The following CNGB1 variants were observed in gnomAD, a reference collection of about 807,000 sequenced individuals.
CNGB1 encodes the protein cyclic nucleotide-gated channel beta-1.
CNGB1 carries 126 observed loss-of-function variants against 151.7 expected under a neutral mutation model. The observed-to-expected ratio is 0.83, with a 90% CI of 0.72 to 0.96. The LOEUF (loss-of-function observed/expected upper bound fraction) is 0.96, where lower values mean the gene tolerates loss of function less well. Among genes scored for constraint, CNGB1 ranks in the 40% least tolerant of loss-of-function variants. The pLI is 0.00. For synonymous variants in CNGB1, 623 were observed against 635.1 expected, an observed-to-expected ratio of 0.98 and a Z score of 0.29; for missense variants, 1,698 against 1,627.0, an observed-to-expected ratio of 1.04 and a Z score of -0.75.
chr16:57,919,905 A>T (rs1361840825), intron 19 of CNGB1, among the ~76,000 whole-genome samples: 1 of 152,154 alleles, frequency 6.6e-6, no homozygotes, highest in African/African-American at 2.4e-5. Context: ...CTCTGGAAAG[A>T]TCTAAAAAAT....
At position 57,931,883 on chromosome 16, in the gene CNGB1, G is replaced by A. The variant is rs777877102; in HGVS notation, c.1373-5C>T. 50 of 1,613,866 alleles carry A rather than the reference G, an allele frequency of 3.1e-5. 1 individual carries two copies. In the Admixed American group the frequency reaches 3.2e-4, roughly 10 times the overall value. On this transcript the variant is annotated splice_region_variant and splice_polypyrimidine_tract_variant and intron_variant, in intron 16 of 32. Transcript: ENST00000251102. ...GGTGCTGTTTCGTGGCAGGCACTGG[G>A]GGAGAGGAAGGAGAGGAGAAAGTCA...
At chr16:57,940,399 C>A in intron 14 of CNGB1, 78 bp from the exon 15 acceptor site, 2 of 1,381,416 alleles carry the variant, frequency 1.4e-6, no homozygotes, top group Non-Finnish European at 1.0e-6. Context: ...TGCTGAGGGC[C>A]ACGCTCTGTG....
intron 31 of CNGB1, among the ~76,000 whole-genome samples, chr16:57,891,813 T>A (rs1267645964): frequency 6.6e-6 from 1 of 152,162 alleles, no homozygotes; most frequent in Non-Finnish European, 1.5e-5. Flanking sequence ...CACCTCAGCC[T>A]CCCAAAGTGC....
chr16:57,953,130 C>G (rs376067179), intron 12 of CNGB1, among the ~76,000 whole-genome samples: 1 of 152,218 alleles, frequency 6.6e-6, no homozygotes, highest in African/African-American at 2.4e-5. Flanking sequence ...TCCACCCTGG[C>G]ACACCACCTC....
intron 13 of CNGB1, among the ~76,000 whole-genome samples, chr16:57,949,914 T>C (rs983903350): frequency 6.6e-6 from 1 of 152,232 alleles, no homozygotes; most frequent in Non-Finnish European, 1.5e-5. Flanking sequence ...AAGACATGCA[T>C]ACAAGAGTGC....
intron 17 of CNGB1, among the ~76,000 whole-genome samples, chr16:57,927,305 A>C (rs1961216715): frequency 6.6e-6 from 1 of 152,190 alleles, no homozygotes; most frequent in African/African-American, 2.4e-5. Context: ...GGACTTGCTC[A>C]AGCTCCTCTG....
chr16:57,928,132 T>C (rs1243761527), intron 17 of CNGB1, among the ~76,000 whole-genome samples: 1 of 152,236 alleles, frequency 6.6e-6, no homozygotes, highest in African/African-American at 2.4e-5. Flanking sequence ...TAAAGCACTG[T>C]CCTGCCCTTG....
chr16:57,897,669 AT>A, intron 30 of CNGB1, 126 bp from the exon 31 acceptor site: 1 of 1,513,640 alleles, frequency 6.6e-7, no homozygotes, highest in South Asian at 1.1e-5. Flanking sequence ...CCCCGCCCCC[AT>A]CCCCGCATAC....
chr16:57,961,063 G>A (rs2149387111), intron 7 of CNGB1, 148 bp from the exon 8 acceptor site: 1 of 750,296 alleles, frequency 1.3e-6, no homozygotes, highest in East Asian at 2.7e-5. Context: ...AACTCTCAAA[G>A]GGCCCCAAGC....
intron 12 of CNGB1, chr16:57,955,000 C>T (rs765106830): frequency 1.1e-5 from 12 of 1,136,674 alleles, no homozygotes; most frequent in Middle Eastern, 3.9e-4. Context: ...CCTCCTGCCT[C>T]AGCCTCCCAA....
At chr16:57,896,418 T>C (rs1419553841) in intron 31 of CNGB1, among the ~76,000 whole-genome samples, 1 of 151,992 alleles carries the variant, frequency 6.6e-6, no homozygotes, top group Non-Finnish European at 1.5e-5. Context: ...TTCTGTAAAA[T>C]AACTGGCCTG....
chr16:57,887,612 A>G (rs557477878), intron 32 of CNGB1, among the ~76,000 whole-genome samples: 122 of 152,244 alleles, frequency 8.0e-4, no homozygotes, highest in African/African-American at 2.8e-3. Flanking sequence ...TCCTGTTGGC[A>G]TCTTTCGGGC....
At chr16:57,912,857 G>A in intron 24 of CNGB1, 73 bp downstream of exon 24, 1 of 1,425,874 alleles carries the variant, frequency 7.0e-7, no homozygotes, top group Non-Finnish European at 9.9e-7. Context: ...TGTGTTGTGT[G>A]TGTATTGCGT....
chr16:57,884,531 T>G, intron 32 of CNGB1, 74 bp from the exon 33 acceptor site: 1 of 1,549,548 alleles, frequency 6.5e-7, no homozygotes, highest in Admixed American at 1.7e-5. Flanking sequence ...GACACCTCCC[T>G]GTTCCAGCCT....
chr16:57,896,169 T>C (rs1216436313), intron 31 of CNGB1, among the ~76,000 whole-genome samples: 2 of 152,174 alleles, frequency 1.3e-5, no homozygotes, highest in Non-Finnish European at 2.9e-5. Context: ...ATCCTCATAG[T>C]CTGAAGGTGA....
intron 32 of CNGB1, among the ~76,000 whole-genome samples, chr16:57,885,849 C>T (rs1223747561): frequency 6.6e-6 from 1 of 152,094 alleles, no homozygotes; most frequent in African/African-American, 2.4e-5. Flanking sequence ...CCACCTTGGC[C>T]TCCCAAAGTG....
chr16:57,922,925 C>T (rs1168745422), intron 18 of CNGB1, among the ~76,000 whole-genome samples: 1 of 151,792 alleles, frequency 6.6e-6, no homozygotes, highest in Non-Finnish European at 1.5e-5. Flanking sequence ...TCCTGGTGGT[C>T]CTCCCTGTCC....
intron 17 of CNGB1, among the ~76,000 whole-genome samples, chr16:57,923,993 A>G (rs1961118594): frequency 1.3e-5 from 2 of 152,182 alleles, no homozygotes; most frequent in East Asian, 3.9e-4. Flanking sequence ...AGGAAGTCCA[A>G]GTCTGCCATG....
At chr16:57,908,453 G>C (rs976848554) in intron 25 of CNGB1, among the ~76,000 whole-genome samples, 1 of 152,358 alleles carries the variant, frequency 6.6e-6, no homozygotes, top group Admixed American at 6.5e-5. Flanking sequence ...GGCACCCTTC[G>C]GTGAGTAACT....
Sources: gnomAD v4.1 joint callset for allele counts (sites outside exome capture counted in the v4.1 genomes callset) on GRCh38, gnomAD v4.1.1 for gene constraint, MANE v1.5 for transcripts, NCBI Gene and HGNC (gene_info 2026-07-23, HGNC 2026-07-21) for gene names.